The following KRT24 variants were observed in gnomAD, a reference collection of about 807,000 sequenced individuals.
The protein encoded by KRT24 is keratin, type I cytoskeletal 24.
KRT24 carries 44 observed loss-of-function variants against 51.7 expected under a neutral mutation model. That is an observed-to-expected ratio of 0.85 (90% confidence interval 0.67 to 1.09). The LOEUF (loss-of-function observed/expected upper bound fraction) is 1.09. Among genes scored for constraint, KRT24 ranks in the 50% least tolerant of loss-of-function variants. KRT24 has a pLI of 0.00. For synonymous variants in KRT24, 241 were observed against 249.5 expected, an observed-to-expected ratio of 0.97 and a Z score of 0.32; for missense variants, 633 against 647.0, an observed-to-expected ratio of 0.98 and a Z score of 0.24.
intron 2 of KRT24, 106 bp downstream of exon 2, chr17:40,701,744 TA>T (rs763843385): frequency 0.44 from 52,686 of 119,856 alleles, 12,010 homozygotes; most frequent in Middle Eastern, 0.7. Context: ...TATATATATA[TA>T]TATATATATA....
Position 40,700,221 on chromosome 17 carries a change from C to T in KRT24, c.1017+1G>A, listed in dbSNP as rs766164927. The T allele has an allele frequency of 2.0e-5, 32 of 1,613,910 alleles. No individual in the cohort carries two copies. Among genetic ancestry groups the T allele is most frequent in the Admixed American group, 1.7e-5 (1 of 59,986 alleles). Reference sequence around the variant, plus strand: ...TTAGGTGCTCAGCAGAGAGGATCTACCTGCTTGTTGAACCGCTCCTCAGCC... The same window carrying T: ...TTAGGTGCTCAGCAGAGAGGATCTATCTGCTTGTTGAACCGCTCCTCAGCC... On this transcript the variant is annotated splice_donor_variant, in intron 4 of 7. Transcript: ENST00000264651. LOFTEE classifies it high-confidence loss of function.
At position 40,700,349 on chromosome 17, in the gene KRT24, T is replaced by C. The variant is rs2037662285; in HGVS notation, c.890A>G (p.Glu297Gly). The change falls in exon 4 of 8, where the codon GAG becomes GGG. Residue 297 changes from glutamate (E) to glycine (G), a missense_variant. Glu to Gly is a moderately conservative substitution (Grantham distance 98). Coordinates refer to ENST00000264651, the MANE Select transcript of KRT24 (RefSeq NM_019016.3). ...CGCAGCATTCATTTCTACGGTCACCTCCCCTCCAGAGCTTCCTTGCATATT... is the reference window on the plus strand; with the variant it reads ...CGCAGCATTCATTTCTACGGTCACCCCCCCTCCAGAGCTTCCTTGCATATT... ...MKNMQGSSGGEVTVEMNAAPG... is the reference protein window; with the variant it reads ...MKNMQGSSGGGVTVEMNAAPG... The C allele has an allele frequency of 6.2e-7, 1 of 1,613,474 alleles. No homozygotes were observed. The highest frequency in any genetic ancestry group is 8.5e-7 in the Non-Finnish European group (1 of 1,179,796).
chr17:40,700,989 C>G (rs923268129), intron 3 of KRT24, 151 bp downstream of exon 3: 27 of 656,056 alleles, frequency 4.1e-5, no homozygotes, highest in Non-Finnish European at 6.4e-5. Flanking sequence ...CCTCCAACTC[C>G]TGGGTTCAAG....
At position 40,698,709 on chromosome 17, in the gene KRT24, C is replaced by T. The variant is rs186682225; in HGVS notation, c.1362-59G>A. 388 of 827,194 alleles carry T rather than the reference C, an allele frequency of 4.7e-4. 2 individuals carry two copies. The East Asian group carries it at 6.9e-3, about 15-fold the overall frequency. 51.2% of individuals were successfully genotyped at this position (827,194 alleles called of 1,614,324 possible). A position where few individuals can be genotyped will look rare whatever the true frequency, so the allele number is the denominator to read the frequency against. ...GTTTGCAAAGGCAGGAGAAAGCCTCCGCCCCGGGGATTCTTCATGATGAAG... is the reference window on the plus strand; with the variant it reads ...GTTTGCAAAGGCAGGAGAAAGCCTCTGCCCCGGGGATTCTTCATGATGAAG... On this transcript the variant is annotated intron_variant, in intron 6 of 7. Coordinates refer to ENST00000264651, the MANE Select transcript of KRT24 (RefSeq NM_019016.3).
Position 40,701,259 on chromosome 17 carries a change from C to A in KRT24, c.736G>T (p.Ala246Ser). 2 of 1,613,974 alleles carry A rather than the reference C, an allele frequency of 1.2e-6. No individual in the cohort carries two copies. Among genetic ancestry groups the A allele is most frequent in the South Asian group, 2.2e-5 (2 of 91,006 alleles). ...NELCLRQSVE[A>S]DINGLRKVLD... Reference sequence around the variant, plus strand: ...ACTTTCCGCAGGCCATTGATGTCAGCCTCCACGCTCTGCCGGAGACACAGC... The same window carrying A: ...ACTTTCCGCAGGCCATTGATGTCAGACTCCACGCTCTGCCGGAGACACAGC... The change falls in exon 3 of 8, where the codon GCT (alanine) becomes TCT (serine). Residue 246 changes from alanine (A) to serine (S), a missense_variant. Physicochemically the swap from Ala to Ser is moderately conservative, Grantham distance 99 (BLOSUM62 1). Transcript: ENST00000264651.
intron 3 of KRT24, among the ~76,000 whole-genome samples, chr17:40,700,633 A>G (rs2011870): frequency 0.51 from 78,063 of 151,610 alleles, 20,529 homozygotes; most frequent in Middle Eastern, 0.65. Flanking sequence ...TCACTCTGTC[A>G]CCCAGGCTGG....
rs1326058181 is a variant in KRT24 at position 40,700,353 on chromosome 17, C to T, written c.886G>A (p.Gly296Arg). Residue 296 changes from glycine to arginine, a missense_variant, in exon 4 of 8, where the codon GGG (glycine) becomes AGG (arginine). Physicochemically the swap from Gly to Arg is moderately radical, Grantham distance 125. Transcript: ENST00000264651. Reference sequence around the variant, plus strand: ...GCATTCATTTCTACGGTCACCTCCCCTCCAGAGCTTCCTTGCATATTCTTC... The same window carrying T: ...GCATTCATTTCTACGGTCACCTCCCTTCCAGAGCTTCCTTGCATATTCTTC... ...EMKNMQGSSG[G>R]EVTVEMNAAP... The T allele has an allele frequency of 6.2e-7, 1 of 1,613,686 alleles. No homozygotes were observed. Among genetic ancestry groups the T allele is most frequent in the Non-Finnish European group, 8.5e-7 (1 of 1,179,884 alleles).
chr17:40,701,777 A>ATT lies in KRT24; in HGVS notation c.698+73_698+74insAA, dbSNP rs1555610272. 216 of 36,072 alleles carry ATT rather than the reference A, an allele frequency of 6.0e-3. 23 individuals are homozygous for ATT. The highest frequency in any genetic ancestry group is 8.4e-3 in the Non-Finnish European group (157 of 18,768). 2.2% of individuals were successfully genotyped at this position (36,072 alleles called of 1,614,324 possible). ...TATATATATATATATATATATATAT[A>ATT]TATTTATTTATAAAATGGAATAAAA... On this transcript the variant is annotated intron_variant, in intron 2 of 7. Coordinates refer to ENST00000264651, the MANE Select transcript of KRT24 (RefSeq NM_019016.3).
Position 40,699,529 on chromosome 17 carries a change from C to T in KRT24, c.1276G>A (p.Ala426Thr), listed in dbSNP as rs199876433. 16 of 1,613,922 alleles carry T rather than the reference C, an allele frequency of 9.9e-6. No individual in the cohort carries two copies. Among genetic ancestry groups the T allele is most frequent in the Non-Finnish European group, 1.4e-5 (16 of 1,179,792 alleles). ...QIWGETKCQN[A>T]EYKQLLDIKT... ...ATGTCCAGCAATTGCTTGTACTCTG[C>T]GTTCTGGCATTTAGTCTCACCCCAG... is the stretch of plus-strand genomic sequence containing the variant. Residue 426 changes from alanine to threonine, a missense_variant, in exon 6 of 8, where the codon GCA (alanine) becomes ACA (threonine). By Grantham distance (58) the Ala-to-Thr change is moderately conservative (BLOSUM62 0). Transcript: ENST00000264651.
In KRT24 at chr17:40,698,323, C is replaced by T. The variant is rs1207728950; in HGVS notation, c.1492G>A (p.Val498Met). The change falls in exon 8 of 8, where the codon GTG becomes ATG. Residue 498 changes from valine to methionine, a missense_variant. Val to Met is a conservative substitution (Grantham distance 21). Coordinates refer to ENST00000264651, the MANE Select transcript of KRT24 (RefSeq NM_019016.3). Reference protein sequence around the residue: ...GQGRDSSKTRVTKTIVEELVD... With the variant: ...GQGRDSSKTRMTKTIVEELVD... The stretch of plus-strand genomic sequence containing the variant: ...AACTCCTCTACGATAGTCTTAGTCA[C>T]TCTAGTCTTGCTTGAATCTGAAAAT... 1 of 1,610,524 alleles carries T rather than the reference C, an allele frequency of 6.2e-7. No individual in the cohort carries two copies. The highest frequency in any genetic ancestry group is 1.7e-5 in the Admixed American group (1 of 59,996).
intron 6 of KRT24, among the ~76,000 whole-genome samples, chr17:40,698,875 A>AT (rs11315622): frequency 0.018 from 2,379 of 130,940 alleles, 60 homozygotes; most frequent in African/African-American, 0.058. Flanking sequence ...TGCCCAGCTA[A>AT]TTTTTTTTTT....
chr17:40,698,763 G>T (rs2144070132), intron 6 of KRT24, 113 bp from the exon 7 acceptor site: 2 of 674,004 alleles, frequency 3.0e-6, no homozygotes, highest in East Asian at 5.1e-5. Flanking sequence ...GTTTTAATTG[G>T]ATTGTGTCTG....
Position 40,699,560 on chromosome 17 carries a change from G to T in KRT24, c.1245C>A (p.Cys415Ter). The change falls in exon 6 of 8, where the codon TGC (cysteine) becomes TGA (stop). Residue 415 changes from cysteine to a stop codon, truncating the protein, a stop_gained. Transcript: ENST00000264651. LOFTEE classifies it high-confidence loss of function. ...TQISALEEEI[C>*]QIWGETKCQN... Reference sequence around the variant, plus strand: ...GGCATTTAGTCTCACCCCAGATCTGGCAGATCTCCTCCTCCAGGGCACTGA... The same window carrying T: ...GGCATTTAGTCTCACCCCAGATCTGTCAGATCTCCTCCTCCAGGGCACTGA... The T allele has an allele frequency of 6.2e-7, 1 of 1,613,734 alleles. No individual in the cohort carries two copies. Among genetic ancestry groups the T allele is most frequent in the South Asian group, 1.1e-5 (1 of 91,076 alleles).
chr17:40,702,936 T>C (rs1426828437), intron 1 of KRT24, 143 bp downstream of exon 1: 3 of 749,044 alleles, frequency 4.0e-6, no homozygotes, highest in Non-Finnish European at 4.1e-6. Context: ...ACTATAATAA[T>C]TAAGACACAT....
At chr17:40,700,472 G>A in intron 3 of KRT24, 89 bp from the exon 4 acceptor site, 2 of 950,890 alleles carry the variant, frequency 2.1e-6, no homozygotes, top group South Asian at 2.0e-5. Context: ...TTTGAAAGTA[G>A]GACACTGAAA....
In KRT24 at chr17:40,703,462, C is replaced by A. The variant is rs2037708064; in HGVS notation, c.232G>T (p.Gly78Trp). ...CCTGTCCCAGAGCCTGAAGCTCCCC[C>A]AAAACCACCCCCTACTGAGCAGCTA... ...FGSCSVGGGF[G>W]GASGSGTGFG... Residue 78 changes from glycine (G) to tryptophan (W), a missense_variant, in exon 1 of 8, where the codon GGG (glycine) becomes TGG (tryptophan). Transcript: ENST00000264651. 11 of 1,565,854 alleles carry A rather than the reference C, an allele frequency of 7.0e-6. No homozygotes were observed. Among genetic ancestry groups the A allele is most frequent in the Non-Finnish European group, 9.6e-6 (11 of 1,140,496 alleles).
intron 2 of KRT24, 86 bp downstream of exon 2, chr17:40,701,764 TA>T (rs1567863095): frequency 0.011 from 475 of 42,470 alleles, 25 homozygotes; most frequent in Middle Eastern, 0.028. Flanking sequence ...TATATATATA[TA>T]TATATATATA....
At chr17:40,700,521 T>A (rs1443798354) in intron 3 of KRT24, 138 bp from the exon 4 acceptor site, 4 of 663,082 alleles carry the variant, frequency 6.0e-6, no homozygotes, top group Non-Finnish European at 5.2e-6. Context: ...AATTTACTCA[T>A]GATTACTTTT....
In KRT24 at chr17:40,698,551, A is replaced by G. The variant is rs778095109; in HGVS notation, c.1461T>C (p.Ser487=). ...AAAAAAGTCTACCTCGTCCTTGACC[A>G]GAACAGCTTCCAGATCTTGAGTCAC... is the stretch of plus-strand genomic sequence containing the variant. ...VSGDSRSGSC[S]GQGRDSSKTR... is the part of the protein sequence containing the mutation. The change falls in exon 7 of 8, where the codon TCT becomes TCC. Residue 487 remains serine (S), a synonymous_variant. Transcript: ENST00000264651. 9.4e-6 allele frequency: 15 copies of G among 1,599,564 alleles called. No homozygotes were observed.
Sources: allele counts gnomAD v4.1 joint callset (sites outside exome capture counted in the v4.1 genomes callset), GRCh38; gene constraint gnomAD v4.1.1; transcripts MANE v1.5; gene names NCBI Gene and HGNC (gene_info 2026-07-23, HGNC 2026-07-21).